Variants in SSR3 observed in about 807,000 individuals in gnomAD.
SSR3 encodes the protein translocon-associated protein subunit gamma.
Under a neutral mutation model 22.1 loss-of-function variants are expected in SSR3, and 10 were observed. The observed-to-expected ratio is 0.45, with a 90% CI of 0.28 to 0.77. The LOEUF is 0.77. Ranked by LOEUF, SSR3 falls within the 30% of genes least tolerant of loss-of-function variation. The pLI is 0.13. For missense variants in SSR3, 181 were observed against 220.5 expected, an observed-to-expected ratio of 0.82 and a Z score of 1.13; for synonymous variants, 104 against 82.5, an observed-to-expected ratio of 1.26 and a Z score of -1.42.
At position 156,541,458 on chromosome 3, in the gene SSR3, A is replaced by ACC. The variant is rs1719495039; in HGVS notation, c.*1743_*1744dup. On this transcript the variant is annotated 3_prime_UTR_variant, in exon 5 of 5. Coordinates refer to ENST00000265044, the MANE Select transcript of SSR3 (RefSeq NM_007107.5). Reference sequence around the variant, plus strand: ...TTTGAGATGGAGTCTCACCCTTGCCACCCAGGCAGTAGTAGCACGATCTCG... The same window carrying ACC: ...TTTGAGATGGAGTCTCACCCTTGCCACCCCCAGGCAGTAGTAGCACGATCTCG... The ACC allele has an allele frequency of 6.6e-6, 1 of 151,736 alleles. No homozygotes were observed. The highest frequency in any genetic ancestry group is 2.4e-5 in the African/African-American group (1 of 41,248). 9.4% of individuals were successfully genotyped at this position (151,736 alleles called of 1,614,324 possible).
chr3:156,552,785 A>G (rs1720009013), intron 2 of SSR3, among the ~76,000 whole-genome samples: 1 of 152,218 alleles, frequency 6.6e-6, no homozygotes, highest in African/African-American at 2.4e-5. Flanking sequence ...CAATGAGACA[A>G]TGAGGACCAT....
chr3:156,552,307 A>G (rs1394636388), intron 2 of SSR3, among the ~76,000 whole-genome samples: 88 of 151,924 alleles, frequency 5.8e-4, no homozygotes, highest in African/African-American at 2.0e-3. Flanking sequence ...CTGTCTCAAA[A>G]AAAAAAAAAA....
chr3:156,553,576 AAC>A (rs1354604028), intron 2 of SSR3, 77 bp downstream of exon 2: 2 of 1,439,012 alleles, frequency 1.4e-6, no homozygotes, highest in Admixed American at 2.2e-5. Flanking sequence ...TATTAAAACC[AAC>A]ACACACAAAT....
Position 156,541,477 on chromosome 3 carries a change from G to C in SSR3, c.*1726C>G, listed in dbSNP as rs537525150. 2 of 151,834 alleles carry C rather than the reference G, an allele frequency of 1.3e-5. No individual in the cohort carries two copies. The highest frequency in any genetic ancestry group is 3.9e-4 in the East Asian group (2 of 5,186). The allele number at this position is 151,834 out of a possible 1,614,324, so 9.4% of individuals were successfully genotyped here. On this transcript the variant is annotated 3_prime_UTR_variant, in exon 5 of 5. Coordinates refer to ENST00000265044, the MANE Select transcript of SSR3 (RefSeq NM_007107.5). ...CTTGCCACCCAGGCAGTAGTAGCAC[G>C]ATCTCGACTCACCGCAACCTCTGCC...
At chr3:156,552,543 T>C (rs1233417183) in intron 2 of SSR3, among the ~76,000 whole-genome samples, 1 of 152,118 alleles carries the variant, frequency 6.6e-6, no homozygotes, top group Non-Finnish European at 1.5e-5. Flanking sequence ...AAAAACAGCA[T>C]CCAAACTAGA....
chr3:156,549,025 A>G (rs1469367324), intron 2 of SSR3, 22 bp from the exon 3 acceptor site: 3 of 1,601,782 alleles, frequency 1.9e-6, no homozygotes, highest in African/African-American at 2.7e-5. Context: ...AGAAAAAAAG[A>G]AAAAGTTTCC....
Position 156,548,887 on chromosome 3 carries a change from T to G in SSR3, c.359+18A>C, listed in dbSNP as rs1376507658. ...GTACCCCCTTTTATGATGGCCATAC[T>G]TTAAACAGGAGTCAAACCTTTCATC... On this transcript the variant is annotated intron_variant, in intron 3 of 4. Transcript: ENST00000265044. 12 of 1,612,004 alleles carry G rather than the reference T, an allele frequency of 7.4e-6. No homozygotes were observed. In the South Asian group the frequency reaches 1.1e-4, roughly 15 times the overall value.
chr3:156,550,588 T>C (rs1390146579), intron 2 of SSR3, among the ~76,000 whole-genome samples: 3 of 152,078 alleles, frequency 2.0e-5, no homozygotes, highest in Non-Finnish European at 2.9e-5. Context: ...GCTAGTGACC[T>C]AGCACTTAGT....
intron 3 of SSR3, 99 bp downstream of exon 3, chr3:156,548,806 T>C (rs1719847711): frequency 2.7e-6 from 4 of 1,487,618 alleles, no homozygotes; most frequent in Non-Finnish European, 3.6e-6. Context: ...AAAATTTACC[T>C]CAGACAATTC....
chr3:156,548,721 TA>T (rs1339801421), intron 3 of SSR3, 183 bp downstream of exon 3: 106 of 705,564 alleles, frequency 1.5e-4, no homozygotes, highest in Non-Finnish European at 2.3e-4. Flanking sequence ...ACAGCACAGA[TA>T]AAAGTATCTG....
At position 156,544,443 on chromosome 3, in the gene SSR3, C is replaced by G. The variant is rs6792998; in HGVS notation, c.360-4G>C. 0.26 allele frequency: 406,359 copies of G among 1,561,872 alleles called. 54,289 individuals are homozygous for G. The highest frequency in any genetic ancestry group is 0.38 in the African/African-American group (27,842 of 72,792). On this transcript the variant is annotated splice_region_variant and splice_polypyrimidine_tract_variant and intron_variant, in intron 3 of 4. Coordinates refer to ENST00000265044, the MANE Select transcript of SSR3 (RefSeq NM_007107.5). ...TTCATTCTTCTTCCACAAGATTCTA[C>G]AGACACAGAAACAAGTCAAACAAGC...
rs1271188467 is a variant in SSR3, at chr3:156,540,804, G to A, written c.*2399C>T. The A allele has an allele frequency of 6.6e-6, 1 of 152,044 alleles. No individual in the cohort carries two copies. Among genetic ancestry groups the A allele is most frequent in the Non-Finnish European group, 1.5e-5 (1 of 68,002 alleles). 9.4% of individuals were successfully genotyped at this position (152,044 alleles called of 1,614,324 possible). On this transcript the variant is annotated 3_prime_UTR_variant, in exon 5 of 5. Transcript: ENST00000265044. ...GGTGCTGGGTATGTGGTCTTTTTAA[G>A]ACAAAAATTCTACAGCATGGTTTTA...
rs1719479997 is a variant in SSR3, at chr3:156,541,257, A to G, written c.*1946T>C. The G allele has an allele frequency of 6.6e-6, 1 of 152,334 alleles. No homozygotes were observed. The highest frequency in any genetic ancestry group is 6.5e-5 in the Admixed American group (1 of 15,304). 9.4% of individuals were successfully genotyped at this position (152,334 alleles called of 1,614,324 possible). On this transcript the variant is annotated 3_prime_UTR_variant, in exon 5 of 5. Transcript: ENST00000265044. ...TGCCATCTAGTGGCAAGTTTTCACC[A>G]GCAATTTTAAAAGATAGTGGCCCAA... is the stretch of plus-strand genomic sequence containing the variant.
Position 156,549,020 on chromosome 3 carries a change from AAAAG to A in SSR3, c.261-21_261-18del. 1 of 1,602,636 alleles carries A rather than the reference AAAAG, an allele frequency of 6.2e-7. No homozygotes were observed. The highest frequency in any genetic ancestry group is 8.5e-7 in the Non-Finnish European group (1 of 1,177,654). On this transcript the variant is annotated intron_variant, in intron 2 of 4. Transcript: ENST00000265044. ...TGTGCTACTCTGGAAGAAAAAGAAA[AAAAG>A]AAAAAGTTTCCATATGCTACAGAGG... is the stretch of plus-strand genomic sequence containing the variant.
At chr3:156,549,950 G>T (rs758717027) in intron 2 of SSR3, among the ~76,000 whole-genome samples, 29 of 152,074 alleles carry the variant, frequency 1.9e-4, no homozygotes, top group Non-Finnish European at 3.7e-4. Flanking sequence ...TTACTCCGAA[G>T]ATCCAACTTC....
chr3:156,545,651 A>G (rs557263057), intron 3 of SSR3, among the ~76,000 whole-genome samples: 1 of 152,252 alleles, frequency 6.6e-6, no homozygotes, highest in Non-Finnish European at 1.5e-5. Flanking sequence ...GTAGTCTCTA[A>G]CAGATGCCAT....
chr3:156,554,599 G>C (rs1416074228), intron 1 of SSR3: 1 of 198,032 alleles, frequency 5.0e-6, no homozygotes, highest in Non-Finnish European at 1.0e-5. Context: ...TTAAAATTTC[G>C]TAACGGCAAG....
chr3:156,550,553 C>T (rs1359723812), intron 2 of SSR3, among the ~76,000 whole-genome samples: 1 of 152,200 alleles, frequency 6.6e-6, no homozygotes, highest in African/African-American at 2.4e-5. Context: ...CAGTGCTGAA[C>T]ACTCTAAAAC....
intron 3 of SSR3, among the ~76,000 whole-genome samples, chr3:156,546,145 T>C (rs9917691): frequency 0.25 from 38,454 of 152,208 alleles, 5,132 homozygotes; most frequent in Non-Finnish European, 0.28. Context: ...GGGAGGGACC[T>C]GGTGGGAGGT....
Sources: gnomAD v4.1 joint callset for allele counts (sites outside exome capture counted in the v4.1 genomes callset) on GRCh38, gnomAD v4.1.1 for gene constraint, MANE v1.5 for transcripts, NCBI Gene and HGNC (gene_info 2026-07-23, HGNC 2026-07-21) for gene names.